Variants in COL22A1 observed in about 807,000 individuals in gnomAD.
The protein encoded by COL22A1 is collagen type XXII alpha 1 chain.
COL22A1 carries 221 observed loss-of-function variants against 248.9 expected under a neutral mutation model. The ratio of observed to expected loss-of-function variants is 0.89; its 90% CI spans 0.80 to 0.99. The LOEUF (loss-of-function observed/expected upper bound fraction) is 0.99, where lower values mean the gene tolerates loss of function less well. Among genes scored for constraint, COL22A1 ranks in the 50% least tolerant of loss-of-function variants. The probability of loss-of-function intolerance (pLI) is 0.00; values close to 1 mark genes in which losing one functional copy is unlikely to be tolerated. For synonymous variants in COL22A1, 891 were observed against 793.4 expected, an observed-to-expected ratio of 1.12 and a Z score of -2.07; for missense variants, 2,240 against 2,179.0, an observed-to-expected ratio of 1.03 and a Z score of -0.56.
intron 11 of COL22A1, among the ~76,000 whole-genome samples, chr8:138,801,188 C>T (rs1244387092): frequency 6.6e-6 from 1 of 151,930 alleles, no homozygotes; most frequent in Non-Finnish European, 1.5e-5. Context: ...GCCAAGTGAG[C>T]ACAAGACCCA....
chr8:138,871,933 G>GC (rs1316658909), intron 3 of COL22A1, among the ~76,000 whole-genome samples: 2 of 152,270 alleles, frequency 1.3e-5, no homozygotes, highest in East Asian at 3.9e-4. Flanking sequence ...GCAAAGGAGA[G>GC]CCCCTCCATA....
chr8:138,653,573 G>C (rs1822948271), intron 45 of COL22A1, among the ~76,000 whole-genome samples: 1 of 152,056 alleles, frequency 6.6e-6, no homozygotes, highest in Admixed American at 6.6e-5. Flanking sequence ...TTTCTGCAAG[G>C]GTAATGGAGA....
At chr8:138,676,469 G>A in intron 41 of COL22A1, 89 bp downstream of exon 41, 5 of 654,798 alleles carry the variant, frequency 7.6e-6, no homozygotes, top group Admixed American at 3.4e-5. Flanking sequence ...AAGAAAGAAA[G>A]AAAGAAAAGA....
chr8:138,753,546 TG>T (rs1484922230), intron 21 of COL22A1, among the ~76,000 whole-genome samples: 1 of 152,252 alleles, frequency 6.6e-6, no homozygotes, highest in Non-Finnish European at 1.5e-5. Flanking sequence ...CCGCATGTCC[TG>T]TCTAATGGAC....
chr8:138,679,571 T>A (rs1417333779), intron 40 of COL22A1, 46 bp downstream of exon 40: 1 of 1,545,880 alleles, frequency 6.5e-7, no homozygotes, highest in Non-Finnish European at 8.9e-7. Context: ...TCTGCCTGTC[T>A]TGTCCTTCTG....
At chr8:138,660,899 A>ACATAAAC (rs1554736013) in intron 43 of COL22A1, among the ~76,000 whole-genome samples, 1 of 32,102 alleles carries the variant, frequency 3.1e-5, no homozygotes, top group Non-Finnish European at 1.1e-4. Context: ...CAGACACACA[A>ACATAAAC]ACACACACAT....
At chr8:138,793,387 G>T (rs1197595527) in intron 12 of COL22A1, among the ~76,000 whole-genome samples, 1 of 152,120 alleles carries the variant, frequency 6.6e-6, no homozygotes, top group African/African-American at 2.4e-5. Flanking sequence ...AAAGGCTGGG[G>T]GTGGGCTGAT....
chr8:138,616,697 A>T (rs1176625153), intron 54 of COL22A1, among the ~76,000 whole-genome samples: 1 of 152,186 alleles, frequency 6.6e-6, no homozygotes, highest in Non-Finnish European at 1.5e-5. Context: ...GTTGGCCATG[A>T]TGTCTGGCCC....
At chr8:138,650,181 T>A (rs1822576354) in intron 45 of COL22A1, among the ~76,000 whole-genome samples, 1 of 152,218 alleles carries the variant, frequency 6.6e-6, no homozygotes, top group Admixed American at 6.5e-5. Context: ...GTCCCTGATG[T>A]TAGAGGCCAA....
chr8:138,635,050 A>G lies in COL22A1; in HGVS notation c.3569T>C (p.Val1190Ala). 2 of 1,609,580 alleles carry G rather than the reference A, an allele frequency of 1.2e-6. No individual in the cohort carries two copies. Among genetic ancestry groups the G allele is most frequent in the African/African-American group, 2.7e-5 (2 of 74,906 alleles). Residue 1190 changes from valine (V) to alanine (A), a missense_variant, in exon 49 of 65, where the codon GTT (valine) becomes GCT (alanine). Val to Ala is a moderately conservative substitution (Grantham distance 64, BLOSUM62 0). Coordinates refer to ENST00000303045, the MANE Select transcript of COL22A1 (RefSeq NM_152888.3). ...GQKGDQGHPGVPGFMGPPGNP... is the reference protein window; with the variant it reads ...GQKGDQGHPGAPGFMGPPGNP... ...CCCTGGGGGCCCCATGAAACCTGGA[A>G]CTCCAGGATGACCCTAGGAAAACAC...
chr8:138,612,981 G>A (rs1272685657), intron 56 of COL22A1, among the ~76,000 whole-genome samples: 1 of 148,458 alleles, frequency 6.7e-6, no homozygotes, highest in Non-Finnish European at 1.5e-5. Context: ...GGGCACGGTG[G>A]CTTACGCCTG....
chr8:138,830,251 A>G (rs552637918), intron 5 of COL22A1, among the ~76,000 whole-genome samples: 4 of 152,346 alleles, frequency 2.6e-5, no homozygotes, highest in African/African-American at 7.2e-5. Flanking sequence ...ATGTTGTACC[A>G]GCTAAGTGAA....
At chr8:138,650,331 T>C (rs994269502) in intron 45 of COL22A1, among the ~76,000 whole-genome samples, 4 of 152,212 alleles carry the variant, frequency 2.6e-5, no homozygotes, top group Non-Finnish European at 5.9e-5. Flanking sequence ...TGCTTAGCTT[T>C]ATTTTTTACC....
At chr8:138,758,561 T>C (rs1175118174) in intron 18 of COL22A1, among the ~76,000 whole-genome samples, 1 of 152,212 alleles carries the variant, frequency 6.6e-6, no homozygotes, top group Non-Finnish European at 1.5e-5. Flanking sequence ...ACTTTGGGGC[T>C]TGGGCAAGAA....
intron 16 of COL22A1, among the ~76,000 whole-genome samples, chr8:138,769,609 C>T (rs62530721): frequency 0.12 from 18,405 of 152,170 alleles, 1,435 homozygotes; most frequent in East Asian, 0.19. Context: ...CGGGATGAGC[C>T]CTGGAGCTAC....
chr8:138,697,371 C>T (rs1827590662), intron 32 of COL22A1, among the ~76,000 whole-genome samples: 1 of 152,192 alleles, frequency 6.6e-6, no homozygotes, highest in African/African-American at 2.4e-5. Context: ...TTGGACAGAG[C>T]CTTCCTAAGA....
At chr8:138,671,369 A>G (rs1587825101) in intron 41 of COL22A1, among the ~76,000 whole-genome samples, 1 of 152,372 alleles carries the variant, frequency 6.6e-6, no homozygotes, top group Non-Finnish European at 1.5e-5. Flanking sequence ...AGAAACATAC[A>G]TGCAGCATTA....
In COL22A1 at chr8:138,779,517, C is replaced by G. The variant is rs181087348; in HGVS notation, c.1696G>C (p.Gly566Arg). 3.7e-6 allele frequency: 6 copies of G among 1,612,608 alleles called. No homozygotes were observed. Among genetic ancestry groups the G allele is most frequent in the Non-Finnish European group, 5.1e-6 (6 of 1,178,680 alleles). ...LGEPGLPGEVGMRGPQGPPGL... is the reference protein window; with the variant it reads ...LGEPGLPGEVRMRGPQGPPGL... ...CTCACAGCAACACTCACCCGCATGC[C>G]GACCTCACCCGGCAGCCCCGGCTCT... Residue 566 changes from glycine to arginine, a missense_variant, in exon 14 of 65, where the codon GGC (glycine) becomes CGC (arginine). Gly to Arg is a moderately radical substitution (Grantham distance 125, BLOSUM62 -2). Transcript: ENST00000303045.
At chr8:138,782,857 G>T (rs1435707923) in intron 12 of COL22A1, among the ~76,000 whole-genome samples, 1 of 152,184 alleles carries the variant, frequency 6.6e-6, no homozygotes, top group Non-Finnish European at 1.5e-5. Context: ...CAGCGCACCT[G>T]TGGCCTGGGA....
Sources: gnomAD v4.1 joint callset for allele counts (sites outside exome capture counted in the v4.1 genomes callset) on GRCh38, gnomAD v4.1.1 for gene constraint, MANE v1.5 for transcripts, NCBI Gene and HGNC (gene_info 2026-07-23, HGNC 2026-07-21) for gene names.